The following BICC1 variants were observed in gnomAD, a reference collection of about 807,000 sequenced individuals.
BICC1 encodes the protein BicC family RNA binding protein 1.
Under a neutral mutation model 111.0 loss-of-function variants are expected in BICC1, and 43 were observed. The observed-to-expected ratio is 0.39, with a 90% CI of 0.30 to 0.50. The LOEUF (loss-of-function observed/expected upper bound fraction) is 0.50. Among genes scored for constraint, BICC1 ranks in the 20% least tolerant of loss-of-function variants. The pLI is 0.88. For synonymous variants in BICC1, 467 were observed against 434.4 expected, an observed-to-expected ratio of 1.07 and a Z score of -0.93; for missense variants, 1,091 against 1,203.2, an observed-to-expected ratio of 0.91 and a Z score of 1.38.
At chr10:58,739,528 A>G (rs1340657974) in intron 3 of BICC1, among the ~76,000 whole-genome samples, 1 of 95,640 alleles carries the variant, frequency 1.0e-5, no homozygotes, top group East Asian at 3.1e-4. Flanking sequence ...CTGATTTTAT[A>G]AAACTTTAGT....
intron 20 of BICC1, among the ~76,000 whole-genome samples, chr10:58,826,611 T>G (rs929906991): frequency 5.9e-5 from 1 of 16,846 alleles, no homozygotes; most frequent in East Asian, 2.5e-3. Context: ...AAAAAAAAAT[T>G]AGCCAGGTGT....
chr10:58,708,245 G>T (rs1840459380), intron 3 of BICC1, among the ~76,000 whole-genome samples: 1 of 151,458 alleles, frequency 6.6e-6, no homozygotes, highest in East Asian at 1.9e-4. Context: ...GCCTGCCATG[G>T]CCTCCCAAAG....
intron 2 of BICC1, among the ~76,000 whole-genome samples, chr10:58,649,282 A>G (rs1838366804): frequency 6.6e-6 from 1 of 152,178 alleles, no homozygotes; most frequent in African/African-American, 2.4e-5. Context: ...ATGTGCCCCA[A>G]TGCCTATGAA....
intron 1 of BICC1, among the ~76,000 whole-genome samples, chr10:58,593,806 A>G (rs1192282914): frequency 6.6e-6 from 1 of 152,004 alleles, no homozygotes; most frequent in Admixed American, 6.6e-5. Context: ...AAAAACCAGA[A>G]CGCCTCTTCT....
At chr10:58,548,179 C>T (rs1843190839) in intron 1 of BICC1, among the ~76,000 whole-genome samples, 1 of 152,184 alleles carries the variant, frequency 6.6e-6, no homozygotes, top group African/African-American at 2.4e-5. Context: ...AGTTTTCTCT[C>T]ATTGCTTCTC....
intron 20 of BICC1, chr10:58,823,959 G>A (rs1283509586): frequency 2.0e-6 from 2 of 985,254 alleles, no homozygotes; most frequent in Non-Finnish European, 2.4e-6. Context: ...TGAAACAACA[G>A]CCATCTGTAT....
At chr10:58,810,640 G>A (rs147111114) in intron 17 of BICC1, among the ~76,000 whole-genome samples, 2 of 152,022 alleles carry the variant, frequency 1.3e-5, no homozygotes, top group African/African-American at 4.8e-5. Context: ...TAGCTCAGAA[G>A]GATCAGAAAT....
chr10:58,796,226 T>C, intron 9 of BICC1, 114 bp from the exon 10 acceptor site: 1 of 851,558 alleles, frequency 1.2e-6, no homozygotes, highest in East Asian at 2.6e-5. Context: ...AGCATTGATA[T>C]GTCCCCTGAG....
chr10:58,553,699 A>AAGTT (rs983123521), intron 1 of BICC1, among the ~76,000 whole-genome samples: 10 of 152,280 alleles, frequency 6.6e-5, no homozygotes, highest in African/African-American at 1.9e-4. Context: ...ATATAAAGAC[A>AAGTT]AGTTTTTTTT....
intron 1 of BICC1, among the ~76,000 whole-genome samples, chr10:58,607,357 C>T (rs1371218061): frequency 9.2e-5 from 4 of 43,648 alleles, no homozygotes; most frequent in Admixed American, 2.7e-4. Flanking sequence ...TGTCATGCTA[C>T]TGTTTTTTCT....
intron 1 of BICC1, among the ~76,000 whole-genome samples, chr10:58,564,376 G>A (rs1315469350): frequency 6.6e-6 from 1 of 152,128 alleles, no homozygotes; most frequent in Admixed American, 6.5e-5. Context: ...CAGGTGGCAG[G>A]CAGTTAATAT....
intron 1 of BICC1, among the ~76,000 whole-genome samples, chr10:58,611,336 T>C (rs745339656): frequency 1.1e-4 from 17 of 152,234 alleles, no homozygotes; most frequent in Non-Finnish European, 1.9e-4. Flanking sequence ...TTGGTATTTA[T>C]CCTTTCAGTC....
At chr10:58,571,943 C>T (rs185813637) in intron 1 of BICC1, among the ~76,000 whole-genome samples, 177 of 152,246 alleles carry the variant, frequency 1.2e-3, no homozygotes, top group African/African-American at 4.0e-3. Flanking sequence ...CTAATTTGTA[C>T]TACCACCAAC....
intron 3 of BICC1, chr10:58,715,593 A>G (rs1276785835): frequency 7.5e-6 from 12 of 1,604,402 alleles, no homozygotes; most frequent in Middle Eastern, 3.3e-4. Context: ...TATGCACCCA[A>G]TAGCAATGGC....
At chr10:58,542,700 C>G (rs1008099515) in intron 1 of BICC1, among the ~76,000 whole-genome samples, 1 of 151,742 alleles carries the variant, frequency 6.6e-6, no homozygotes, top group Admixed American at 6.6e-5. Flanking sequence ...GCAAAGGACT[C>G]GAATATATCA....
At chr10:58,806,909 C>A (rs941989552) in intron 16 of BICC1, 95 bp from the exon 17 acceptor site, 2 of 1,112,158 alleles carry the variant, frequency 1.8e-6, no homozygotes, top group Non-Finnish European at 2.6e-6. Flanking sequence ...GTGATAATTT[C>A]TTCACATATA....
At chr10:58,593,090 G>A (rs1235070492) in intron 1 of BICC1, among the ~76,000 whole-genome samples, 1 of 151,870 alleles carries the variant, frequency 6.6e-6, no homozygotes, top group Non-Finnish European at 1.5e-5. Context: ...CTATGCTTGA[G>A]TAGACTGTTT....
At position 58,828,741 on chromosome 10, in the gene BICC1, TTC is replaced by T. The variant is rs748920630; in HGVS notation, c.2795-14_2795-13del. The T allele has an allele frequency of 1.1e-5, 17 of 1,611,194 alleles. No individual in the cohort carries two copies. The highest frequency in any genetic ancestry group is 2.7e-5 in the African/African-American group (2 of 74,858). On this transcript the variant is annotated intron_variant, in intron 20 of 20. Transcript: ENST00000373886. Reference sequence around the variant, plus strand: ...AGAACTTCTCTTGAGCTCCTAACAATTCTCTCTTTCTCTCTCTAGAACTAAAT... The same window carrying T: ...AGAACTTCTCTTGAGCTCCTAACAATTCTCTTTCTCTCTCTAGAACTAAAT...
intron 2 of BICC1, among the ~76,000 whole-genome samples, chr10:58,698,979 C>G (rs1840149187): frequency 6.6e-6 from 1 of 152,206 alleles, no homozygotes; most frequent in African/African-American, 2.4e-5. Context: ...CTGGCCAGAG[C>G]TCTGTGTGGG....
Sources: gnomAD v4.1 joint callset for allele counts (sites outside exome capture counted in the v4.1 genomes callset) on GRCh38, gnomAD v4.1.1 for gene constraint, MANE v1.5 for transcripts, NCBI Gene and HGNC (gene_info 2026-07-23, HGNC 2026-07-21) for gene names.